CACNA1E: variants seen among roughly 807,000 people sequenced by gnomAD.
The protein encoded by CACNA1E is calcium voltage-gated channel subunit alpha1 E.
Under a neutral mutation model 259.2 loss-of-function variants are expected in CACNA1E, and 40 were observed. That is an observed-to-expected ratio of 0.15 (90% CI 0.12 to 0.20). The LOEUF is 0.20. Among genes scored for constraint, CACNA1E ranks in the 10% least tolerant of loss-of-function variants. The pLI, the probability that CACNA1E is intolerant of heterozygous loss-of-function variation, is 1.00. For synonymous variants in CACNA1E, 1,104 were observed against 1,138.5 expected (o/e 0.97, Z 0.61); for missense variants, 1,874 against 3,040.1 (o/e 0.62, Z 9.02).
intron 1 of CACNA1E, among the ~76,000 whole-genome samples, chr1:181,337,161 T>C (rs1177950816): frequency 1.4e-5 from 2 of 146,872 alleles, no homozygotes; most frequent in Admixed American, 6.8e-5. Context: ...AATCTACTCT[T>C]TTTTTTTTTT....
chr1:181,626,836 T>C (rs1437208975), intron 6 of CACNA1E, among the ~76,000 whole-genome samples: 1 of 152,106 alleles, frequency 6.6e-6, no homozygotes, highest in Non-Finnish European at 1.5e-5. Context: ...TAAGTAGGAG[T>C]GCTCATTAGC....
intron 6 of CACNA1E, among the ~76,000 whole-genome samples, chr1:181,647,576 C>G (rs1308782971): frequency 6.6e-6 from 1 of 152,196 alleles, no homozygotes; most frequent in Non-Finnish European, 1.5e-5. Flanking sequence ...ACTTCACGTG[C>G]TTTCTGGGTA....
At chr1:181,634,722 C>T (rs1657049401) in intron 6 of CACNA1E, among the ~76,000 whole-genome samples, 1 of 152,108 alleles carries the variant, frequency 6.6e-6, no homozygotes, top group Admixed American at 6.5e-5. Context: ...GTGTTGTGAG[C>T]CTTCTGCCCC....
Position 181,794,862 on chromosome 1 carries a change from A to G in CACNA1E, c.6028-2A>G. 1 of 1,605,714 alleles carries G rather than the reference A, an allele frequency of 6.2e-7. No homozygotes were observed. The highest frequency in any genetic ancestry group is 8.5e-7 in the Non-Finnish European group (1 of 1,175,724). ...TGTTTCTCTGGGGGCTTGTATTTCC[A>G]GGTGGTGACAGACCCTAGCTCCATG... is the stretch of plus-strand genomic sequence containing the variant. On this transcript the variant is annotated splice_acceptor_variant, in intron 45 of 47. Coordinates refer to ENST00000367573, the MANE Select transcript of CACNA1E (RefSeq NM_001205293.3). LOFTEE classifies it high-confidence loss of function.
At chr1:181,397,287 G>T (rs1204072126) in intron 1 of CACNA1E, among the ~76,000 whole-genome samples, 1 of 152,140 alleles carries the variant, frequency 6.6e-6, no homozygotes, top group African/African-American at 2.4e-5. Flanking sequence ...TGGGAACTCT[G>T]TCCTGAACCC....
intron 2 of CACNA1E, among the ~76,000 whole-genome samples, chr1:181,473,757 A>G (rs1482287351): frequency 6.6e-6 from 1 of 152,216 alleles, no homozygotes; most frequent in African/African-American, 2.4e-5. Flanking sequence ...ATTTCTATTA[A>G]TGATATCAGC....
At chr1:181,341,886 T>G (rs932240187) in intron 1 of CACNA1E, among the ~76,000 whole-genome samples, 1 of 152,164 alleles carries the variant, frequency 6.6e-6, no homozygotes, top group Non-Finnish European at 1.5e-5. Flanking sequence ...AGATTCCAGG[T>G]GCTGAGAATG....
At chr1:181,751,619 G>A (rs1297163352) in intron 26 of CACNA1E, among the ~76,000 whole-genome samples, 1 of 152,212 alleles carries the variant, frequency 6.6e-6, no homozygotes, top group African/African-American at 2.4e-5. Context: ...GACAAACCCA[G>A]ATTAAGTCTA....
At position 181,680,267 on chromosome 1, in the gene CACNA1E, G is replaced by A. The variant is rs150975462; in HGVS notation, c.1055+28826G>A. Among the ~76,000 whole-genome samples, 906 of 152,264 alleles carry A rather than the reference G, an allele frequency of 6.0e-3. 5 individuals carry two copies. The highest frequency in any genetic ancestry group is 0.013 in the South Asian group (61 of 4,824). ...AGATGTCACTAGAGGTATTCCCTGG[G>A]CAGAGAATGGGCTGTTAGTGTGGTT... On this transcript the variant is annotated intron_variant, in intron 7 of 47. Transcript: ENST00000367573.
intron 1 of CACNA1E, among the ~76,000 whole-genome samples, chr1:181,372,828 A>ATTTT (rs1205982576): frequency 3.0e-5 from 3 of 101,646 alleles, no homozygotes; most frequent in South Asian, 2.8e-4. Context: ...ATATATATAT[A>ATTTT]TTTTTTTTTT....
intron 1 of CACNA1E, among the ~76,000 whole-genome samples, chr1:181,506,243 G>A (rs4126691): frequency 6.6e-6 from 1 of 152,222 alleles, no homozygotes; most frequent in Admixed American, 6.5e-5. Flanking sequence ...AGGTTGAGGG[G>A]CACTAGCTTG....
At chr1:181,444,371 G>C (rs534552262) in intron 2 of CACNA1E, among the ~76,000 whole-genome samples, 1 of 152,190 alleles carries the variant, frequency 6.6e-6, no homozygotes, top group Non-Finnish European at 1.5e-5. Context: ...TGATGTGGGA[G>C]AGATGGAGAA....
chr1:181,746,482 G>A (rs752535846), intron 25 of CACNA1E, among the ~76,000 whole-genome samples: 1 of 152,120 alleles, frequency 6.6e-6, no homozygotes, highest in African/African-American at 2.4e-5. Context: ...TATGTTAAGC[G>A]CCCTTCTACA....
At chr1:181,767,620 T>A (rs1176782465) in intron 35 of CACNA1E, among the ~76,000 whole-genome samples, 21 of 152,220 alleles carry the variant, frequency 1.4e-4, no homozygotes, top group Admixed American at 1.0e-3. Flanking sequence ...TTCCTTTCAC[T>A]CTTCTCTCTT....
chr1:181,435,271 T>C (rs1357738400), intron 2 of CACNA1E, among the ~76,000 whole-genome samples: 1 of 152,208 alleles, frequency 6.6e-6, no homozygotes, highest in Non-Finnish European at 1.5e-5. Context: ...GAAGAATGAA[T>C]TACAGGGAGG....
chr1:181,603,230 A>T (rs1216760921), intron 6 of CACNA1E, among the ~76,000 whole-genome samples: 1 of 152,184 alleles, frequency 6.6e-6, no homozygotes, highest in Non-Finnish European at 1.5e-5. Context: ...CTGTTCTAAG[A>T]GCGCTCTGTG....
intron 30 of CACNA1E, 138 bp from the exon 31 acceptor site, chr1:181,757,809 A>G: frequency 1.2e-6 from 1 of 836,036 alleles, no homozygotes. Flanking sequence ...TGTCCAAGTG[A>G]CCCCAGTTGC....
intron 1 of CACNA1E, among the ~76,000 whole-genome samples, chr1:181,372,955 G>A (rs1377480056): frequency 6.6e-6 from 1 of 151,944 alleles, no homozygotes; most frequent in East Asian, 1.9e-4. Flanking sequence ...ATTTGCATAT[G>A]TTGAACCAAC....
chr1:181,536,450 A>G (rs540753587), intron 3 of CACNA1E, among the ~76,000 whole-genome samples: 4 of 152,318 alleles, frequency 2.6e-5, no homozygotes, highest in East Asian at 3.9e-4. Context: ...GAAATGTTCA[A>G]TTGCACCATC....
Sources: allele counts gnomAD v4.1 joint callset (sites outside exome capture counted in the v4.1 genomes callset), GRCh38; gene constraint gnomAD v4.1.1; transcripts MANE v1.5; gene names NCBI Gene and HGNC (gene_info 2026-07-23, HGNC 2026-07-21).